RANBP17: variants seen among roughly 807,000 people sequenced by gnomAD.
The protein encoded by RANBP17 is RAN binding protein 17.
In RANBP17, 158 loss-of-function variants were observed where a neutral mutation model predicts 141.2. The observed-to-expected ratio is 1.12, with a 90% CI of 0.98 to 1.28. RANBP17 has a LOEUF of 1.28. RANBP17 is among the 50% of genes most tolerant of loss of function. The probability of loss-of-function intolerance (pLI) is 0.00; values close to 1 mark genes in which losing one functional copy is unlikely to be tolerated. For synonymous variants in RANBP17, 430 were observed against 450.0 expected (o/e 0.96, Z 0.56); for missense variants, 1,438 against 1,290.7 (o/e 1.11, Z -1.75).
At chr5:171,083,962 T>G (rs1416764997) in intron 14 of RANBP17, among the ~76,000 whole-genome samples, 1 of 149,728 alleles carries the variant, frequency 6.7e-6, no homozygotes, top group Admixed American at 6.7e-5. Context: ...GGTTATGTCT[T>G]TTTTTTTTTT....
chr5:171,231,518 A>G (rs1764209326), intron 22 of RANBP17, among the ~76,000 whole-genome samples: 1 of 152,088 alleles, frequency 6.6e-6, no homozygotes, highest in Non-Finnish European at 1.5e-5. Flanking sequence ...GACATTCCCC[A>G]ATACCTAATT....
At chr5:171,147,339 T>TTTGTGTG (rs765921702) in intron 14 of RANBP17, among the ~76,000 whole-genome samples, 1 of 104,850 alleles carries the variant, frequency 9.5e-6, no homozygotes, top group African/African-American at 3.4e-5. Context: ...CTTGGTTGTT[T>TTTGTGTG]TGTGTGTGTG....
At chr5:171,274,322 G>C (rs1001796657) in intron 25 of RANBP17, among the ~76,000 whole-genome samples, 1 of 152,004 alleles carries the variant, frequency 6.6e-6, no homozygotes, top group African/African-American at 2.4e-5. Context: ...CGTTTAGAAA[G>C]TTAATGCTTA....
chr5:171,159,381 CTCGCCATCAGTCACAA>C (rs1195823954), intron 14 of RANBP17, among the ~76,000 whole-genome samples: 1 of 152,162 alleles, frequency 6.6e-6, no homozygotes, highest in Non-Finnish European at 1.5e-5. Context: ...CTAGTCCTGG[CTCGCCATCAGTCACAA>C]AAGAACTAAG....
At chr5:171,202,379 C>T (rs181862447) in intron 19 of RANBP17, among the ~76,000 whole-genome samples, 228 of 152,250 alleles carry the variant, frequency 1.5e-3, no homozygotes, top group African/African-American at 4.7e-3. Flanking sequence ...GTCATGACAT[C>T]ATCAGTTTCA....
chr5:170,897,634 C>G (rs1280169330), intron 5 of RANBP17, among the ~76,000 whole-genome samples: 12 of 151,344 alleles, frequency 7.9e-5, no homozygotes, highest in Non-Finnish European at 1.5e-4. Context: ...TTGTTCAGCT[C>G]TCACTTATGA....
At chr5:171,019,902 T>C (rs1009167252) in intron 14 of RANBP17, among the ~76,000 whole-genome samples, 1 of 152,186 alleles carries the variant, frequency 6.6e-6, no homozygotes, top group African/African-American at 2.4e-5. Context: ...CTTTCTGATA[T>C]GGGCATTTAG....
chr5:170,958,453 G>A (rs1275482063), intron 13 of RANBP17, among the ~76,000 whole-genome samples: 1 of 152,030 alleles, frequency 6.6e-6, no homozygotes, highest in Non-Finnish European at 1.5e-5. Flanking sequence ...GTGCAAGCAG[G>A]GCCAAGCAAA....
At chr5:171,229,240 G>A (rs1367547530) in intron 22 of RANBP17, among the ~76,000 whole-genome samples, 3 of 152,210 alleles carry the variant, frequency 2.0e-5, no homozygotes, top group African/African-American at 7.2e-5. Context: ...CAGAAGTCTT[G>A]TGGACACAGT....
chr5:171,137,471 T>C (rs1374811348), intron 14 of RANBP17, among the ~76,000 whole-genome samples: 7 of 152,146 alleles, frequency 4.6e-5, no homozygotes, highest in South Asian at 4.1e-4. Context: ...AGGGTTGTCA[T>C]TGAAAGTATT....
At chr5:171,005,610 C>A (rs1327015369) in intron 14 of RANBP17, among the ~76,000 whole-genome samples, 1 of 152,192 alleles carries the variant, frequency 6.6e-6, no homozygotes, top group Non-Finnish European at 1.5e-5. Flanking sequence ...GGATTAAAGA[C>A]TTACATGTTA....
intron 14 of RANBP17, among the ~76,000 whole-genome samples, chr5:171,155,122 T>TAC (rs375832271): frequency 0.023 from 3,086 of 134,924 alleles, 128 homozygotes; most frequent in African/African-American, 0.08. Flanking sequence ...TATATATATG[T>TAC]ACACACACAC....
intron 1 of RANBP17, among the ~76,000 whole-genome samples, chr5:170,872,416 A>C (rs1767820235): frequency 6.6e-6 from 1 of 152,174 alleles, no homozygotes; most frequent in Non-Finnish European, 1.5e-5. Flanking sequence ...TTTTGGGCTG[A>C]GATGATGGAG....
At position 170,908,011 on chromosome 5, in the gene RANBP17, AG is replaced by A. The variant is rs1213402134; in HGVS notation, c.490-1649del. On this transcript the variant is annotated intron_variant, in intron 5 of 27. Coordinates refer to ENST00000523189, the MANE Select transcript of RANBP17 (RefSeq NM_022897.5). ...CCAGTCAGAATGGCCATTATTAAAT[AG>A]TGAAAAAACCACAGATGCTAGCAAG... 3.3e-5 allele frequency among the ~76,000 whole-genome samples: 5 copies of A among 152,134 alleles called. No individual in the cohort carries two copies. In the East Asian group the frequency reaches 9.6e-4, roughly 29 times the overall value.
At chr5:170,905,664 A>G (rs1032746357) in intron 5 of RANBP17, among the ~76,000 whole-genome samples, 3 of 152,122 alleles carry the variant, frequency 2.0e-5, no homozygotes, top group African/African-American at 7.2e-5. Flanking sequence ...TATGACAGGG[A>G]TAATCTTATT....
At chr5:170,976,093 T>C (rs747082374) in intron 14 of RANBP17, among the ~76,000 whole-genome samples, 10 of 152,070 alleles carry the variant, frequency 6.6e-5, no homozygotes, top group Non-Finnish European at 1.3e-4. Flanking sequence ...ATCTTATGTA[T>C]AGGAAATCCT....
In RANBP17 at chr5:171,176,215, G is replaced by A. The variant is rs144642420; in HGVS notation, c.1865+4929G>A. ...CTACTAGTTTATTTCAGTCATTTTC[G>A]TTTCTACAAGCCAAAGAATCTATTT... is the stretch of plus-strand genomic sequence containing the variant. On this transcript the variant is annotated intron_variant, in intron 16 of 27. Transcript: ENST00000523189. 1.8e-3 allele frequency among the ~76,000 whole-genome samples: 272 copies of A among 152,016 alleles called. 1 individual carries two copies. The highest frequency in any genetic ancestry group is 5.6e-3 in the African/African-American group (234 of 41,458).
chr5:171,028,833 A>G (rs781616629), intron 14 of RANBP17: 1 of 1,067,748 alleles, frequency 9.4e-7, no homozygotes, highest in Non-Finnish European at 1.3e-6. Flanking sequence ...ATCCACTGCC[A>G]CTGTACCTTT....
intron 14 of RANBP17, among the ~76,000 whole-genome samples, chr5:171,057,990 T>A (rs779645): frequency 0.59 from 89,716 of 151,524 alleles, 28,500 homozygotes; most frequent in South Asian, 0.88. Context: ...TTGTTGGAGA[T>A]ACATATTTTA....
Sources: allele counts gnomAD v4.1 joint callset (sites outside exome capture counted in the v4.1 genomes callset), GRCh38; gene constraint gnomAD v4.1.1; transcripts MANE v1.5; gene names NCBI Gene and HGNC (gene_info 2026-07-23, HGNC 2026-07-21).